Variants in SLC16A4 observed in about 807,000 individuals in gnomAD.
SLC16A4 encodes solute carrier family 16 member 4.
A neutral mutation model predicts 47.9 loss-of-function variants in SLC16A4; 39 were observed. The ratio of observed to expected loss-of-function variants is 0.81; its 90% CI spans 0.63 to 1.06. SLC16A4 has a LOEUF of 1.06. Ranked by LOEUF, SLC16A4 falls within the 50% of genes least tolerant of loss-of-function variation. The pLI, the probability that SLC16A4 is intolerant of heterozygous loss-of-function variation, is 0.00. For missense variants in SLC16A4, 524 were observed against 573.8 expected, an observed-to-expected ratio of 0.91 and a Z score of 0.89; for synonymous variants, 189 against 199.9, an observed-to-expected ratio of 0.95 and a Z score of 0.46.
At chr1:110,390,386 A>C (rs978780814) in intron 1 of SLC16A4, among the ~76,000 whole-genome samples, 20 of 152,216 alleles carry the variant, frequency 1.3e-4, no homozygotes, top group African/African-American at 4.8e-4. Context: ...TTTGGAGCTA[A>C]ACAGACATGA....
chr1:110,363,835 G>C lies in SLC16A4; in HGVS notation c.1395C>G (p.Cys465Trp). ...YNGSFYFSGI[C>W]YLLSSVSFFF... is the part of the protein sequence containing the mutation. ...AAAAGGAAACTGAAGAGAGGAGATA[G>C]CATATGCCAGAGAAGTAGAAAGAGC... Residue 465 changes from cysteine to tryptophan, a missense_variant, in exon 9 of 9, where the codon TGC becomes TGG. Cys to Trp is a radical substitution (Grantham distance 215, BLOSUM62 -2). Transcript: ENST00000369779. 6.2e-7 allele frequency: 1 copy of C among 1,613,058 alleles called. No individual in the cohort carries two copies. Among genetic ancestry groups the C allele is most frequent in the Non-Finnish European group, 8.5e-7 (1 of 1,179,538 alleles).
At chr1:110,390,187 T>C (rs1662962922) in intron 1 of SLC16A4, among the ~76,000 whole-genome samples, 2 of 152,156 alleles carry the variant, frequency 1.3e-5, no homozygotes, top group South Asian at 4.1e-4. Flanking sequence ...CTGATCTCAG[T>C]GACTGTGGGG....
At chr1:110,374,911 T>C (rs1000170092) in intron 8 of SLC16A4, 2 of 152,264 alleles carry the variant, frequency 1.3e-5, no homozygotes, top group African/African-American at 4.8e-5. Context: ...AACAAAAGTG[T>C]CAGGCCTATA....
In SLC16A4 at chr1:110,380,995, C is replaced by G. The variant is rs764380917; in HGVS notation, c.513G>C (p.Leu171=). The change falls in exon 5 of 9, where the codon CTG becomes CTC. Residue 171 remains leucine (L), a synonymous_variant. Transcript: ENST00000369779. ...LAPFTKFLID[L]YDWTGALILF... ...AGAATGACGTACCTGTCCAGTCATA[C>G]AGATCTATCAGGAATTTTGTAAAGG... The G allele has an allele frequency of 1.2e-5, 19 of 1,613,882 alleles. No individual in the cohort carries two copies. The East Asian group carries it at 3.8e-4, about 32-fold the overall frequency.
At chr1:110,382,989 C>G (rs924680112) in intron 2 of SLC16A4, 23 bp from the exon 3 acceptor site, 1 of 1,569,586 alleles carries the variant, frequency 6.4e-7, no homozygotes, top group Non-Finnish European at 8.7e-7. Context: ...AGACCAGAGT[C>G]CAACTCAGGT....
At chr1:110,367,029 A>G (rs997948485) in intron 8 of SLC16A4, among the ~76,000 whole-genome samples, 1 of 152,248 alleles carries the variant, frequency 6.6e-6, no homozygotes, top group Non-Finnish European at 1.5e-5. Flanking sequence ...AATATGAGGT[A>G]AAATGTAGGA....
Position 110,367,623 on chromosome 1 carries a change from G to A in SLC16A4, c.1337-3730C>T, listed in dbSNP as rs1027853893. 5.9e-5 allele frequency among the ~76,000 whole-genome samples: 9 copies of A among 152,218 alleles called. No homozygotes were observed. The East Asian group carries it at 1.7e-3, about 29-fold the overall frequency. On this transcript the variant is annotated intron_variant, in intron 8 of 8. Coordinates refer to ENST00000369779, the MANE Select transcript of SLC16A4 (RefSeq NM_004696.3). ...AGTTGGGAGGATCACTTGAGCCCAG[G>A]AGGTTGAGGCTACAGTGAGCTGTGA...
chr1:110,381,272 T>G, intron 4 of SLC16A4, 129 bp from the exon 5 acceptor site: 1 of 720,256 alleles, frequency 1.4e-6, no homozygotes, highest in South Asian at 1.9e-5. Flanking sequence ...AAGGGAAGAG[T>G]CCTGTTCCAT....
intron 7 of SLC16A4, 130 bp downstream of exon 7, chr1:110,376,818 CAG>C (rs1662030598): frequency 3.4e-5 from 25 of 740,292 alleles, no homozygotes; most frequent in Middle Eastern, 4.0e-4. Flanking sequence ...GATATAGCTG[CAG>C]AGTTTCTAAG....
At chr1:110,378,736 C>G (rs1254532715) in intron 6 of SLC16A4, 117 bp downstream of exon 6, 1 of 1,347,096 alleles carries the variant, frequency 7.4e-7, no homozygotes, top group African/African-American at 1.5e-5. Context: ...TTTACTTTCT[C>G]TGGCCCTTCT....
chr1:110,375,598 T>G, intron 7 of SLC16A4, 47 bp from the exon 8 acceptor site: 1 of 995,650 alleles, frequency 1.0e-6, no homozygotes, highest in Non-Finnish European at 1.6e-6. Context: ...GGTGAAATTC[T>G]ATAGAGACCT....
chr1:110,370,083 C>T (rs1050005915), intron 8 of SLC16A4: 3 of 152,094 alleles, frequency 2.0e-5, no homozygotes, highest in Non-Finnish European at 4.4e-5. Flanking sequence ...GGGAAGAACT[C>T]CTCTTCTTAA....
intron 8 of SLC16A4, among the ~76,000 whole-genome samples, chr1:110,364,878 A>G (rs1241761272): frequency 6.6e-6 from 1 of 151,428 alleles, no homozygotes; most frequent in Non-Finnish European, 1.5e-5. Context: ...ACATACTAAA[A>G]CTTAAGCGAA....
At chr1:110,383,897 C>T (rs1662591773) in intron 2 of SLC16A4, among the ~76,000 whole-genome samples, 1 of 124,808 alleles carries the variant, frequency 8.0e-6, no homozygotes, top group Non-Finnish European at 1.6e-5. Context: ...AAAGTTAGTT[C>T]AGCCTACGCA....
chr1:110,373,783 T>A (rs1275974609), intron 8 of SLC16A4, among the ~76,000 whole-genome samples: 2 of 150,082 alleles, frequency 1.3e-5, no homozygotes, highest in African/African-American at 4.9e-5. Flanking sequence ...CAAGCAATCC[T>A]CCTGCCTCAG....
chr1:110,363,842 C>T lies in SLC16A4; in HGVS notation c.1388G>A (p.Gly463Asp). ...QTYNGSFYFS[G>D]ICYLLSSVSF... Reference sequence around the variant, plus strand: ...AACTGAAGAGAGGAGATAGCATATGCCAGAGAAGTAGAAAGAGCCATTGTA... The same window carrying T: ...AACTGAAGAGAGGAGATAGCATATGTCAGAGAAGTAGAAAGAGCCATTGTA... The change falls in exon 9 of 9, where the codon GGC becomes GAC. Residue 463 changes from glycine (G) to aspartate (D), a missense_variant. Coordinates refer to ENST00000369779, the MANE Select transcript of SLC16A4 (RefSeq NM_004696.3). 6.2e-7 allele frequency: 1 copy of T among 1,612,850 alleles called. No individual in the cohort carries two copies. The highest frequency in any genetic ancestry group is 8.5e-7 in the Non-Finnish European group (1 of 1,179,446).
At chr1:110,371,771 C>T (rs1186162295) in intron 8 of SLC16A4, 1 of 152,162 alleles carries the variant, frequency 6.6e-6, no homozygotes, top group African/African-American at 2.4e-5. Flanking sequence ...CTCACCTACT[C>T]TAATGCAGGC....
intron 7 of SLC16A4, among the ~76,000 whole-genome samples, chr1:110,376,243 C>T (rs1661993191): frequency 1.3e-5 from 2 of 152,162 alleles, no homozygotes; most frequent in South Asian, 4.1e-4. Context: ...AATCAGATAT[C>T]ACAAGGAGTT....
rs772892227 is a variant in SLC16A4, at chr1:110,379,066, A to G, written c.817T>C (p.Leu273=). The change falls in exon 6 of 9, where the codon TTA becomes CTA. Residue 273 remains leucine, a synonymous_variant. Transcript: ENST00000369779. ...TTATCACTTTCTTCATCACTCTTTA[A>G]TAACAGTCTGTTCCTGTTAGGCCCA... ...YNGPNRNRLL[L]KSDEESDKVI... 31 of 1,614,254 alleles carry G rather than the reference A, an allele frequency of 1.9e-5. 1 individual carries two copies. The South Asian group carries it at 2.9e-4, about 15-fold the overall frequency.
Sources: allele counts gnomAD v4.1 joint callset (sites outside exome capture counted in the v4.1 genomes callset), GRCh38; gene constraint gnomAD v4.1.1; transcripts MANE v1.5; gene names NCBI Gene and HGNC (gene_info 2026-07-23, HGNC 2026-07-21).